GALNT13: variants seen among roughly 807,000 people sequenced by gnomAD.
The protein encoded by GALNT13 is UDP-GalNAc:polypeptide N-acetylgalactosaminyltransferase 13.
In GALNT13, 28 loss-of-function variants were observed where a neutral mutation model predicts 64.2. The ratio of observed to expected loss-of-function variants is 0.44; its 90% CI spans 0.32 to 0.60. The LOEUF (loss-of-function observed/expected upper bound fraction) is 0.60, where lower values mean the gene tolerates loss of function less well. GALNT13 is among the 20% of genes least tolerant of loss of function. The pLI, the probability that GALNT13 is intolerant of heterozygous loss-of-function variation, is 0.05. For missense variants in GALNT13, 577 were observed against 669.8 expected (o/e 0.86, Z 1.53); for synonymous variants, 214 against 224.6 (o/e 0.95, Z 0.42).
chr2:153,278,174 CT>C, the GALNT13 span, among the ~76,000 whole-genome samples: 1 of 151,910 alleles, frequency 6.6e-6, no homozygotes, highest in Non-Finnish European at 1.5e-5. Context: ...ACCTCGTGAT[CT>C]GTCCGCCTCG....
the GALNT13 span, among the ~76,000 whole-genome samples, chr2:153,661,276 T>C: frequency 6.6e-6 from 1 of 151,992 alleles, no homozygotes; most frequent in African/African-American, 2.4e-5. Context: ...CCTAATGATA[T>C]ATAAAAATTT....
chr2:154,453,983 G>A (rs1701969836), downstream of GALNT13: 1 of 152,074 alleles, frequency 6.6e-6, no homozygotes, highest in Non-Finnish European at 1.5e-5. Context: ...TATTACATAA[G>A]TTGCTTCATT....
chr2:153,200,602 T>C, the GALNT13 span, among the ~76,000 whole-genome samples: 2 of 152,310 alleles, frequency 1.3e-5, no homozygotes, highest in East Asian at 3.9e-4. Flanking sequence ...ATCTATCTCA[T>C]TGCCTAAAAT....
rs191798558 is a variant in GALNT13 at position 154,413,612 on chromosome 2, G to A, written c.1395+4530G>A. Among the ~76,000 whole-genome samples the A allele has an allele frequency of 7.6e-4, 116 of 151,934 alleles. 1 individual carries two copies. Among genetic ancestry groups the A allele is most frequent in the Non-Finnish European group, 3.2e-4 (22 of 67,868 alleles). ...TCGGTCTCCTGTGCTCTAGACATAC[G>A]TCTCATGATTTCTCATTCCTTGAAT... On this transcript the variant is annotated intron_variant, in intron 11 of 12. Transcript: ENST00000392825.
At chr2:154,025,442 C>G (rs1259490555) in intron 3 of GALNT13, among the ~76,000 whole-genome samples, 1 of 152,186 alleles carries the variant, frequency 6.6e-6, no homozygotes, top group African/African-American at 2.4e-5. Flanking sequence ...CATACACACA[C>G]ACACAGACAC....
intron 11 of GALNT13, among the ~76,000 whole-genome samples, chr2:154,427,737 C>T (rs760056770): frequency 2.5e-4 from 38 of 152,068 alleles, no homozygotes; most frequent in Non-Finnish European, 4.4e-5. Flanking sequence ...TAAGAGTGTA[C>T]AGCTAGATGC....
chr2:154,110,214 T>C (rs1702857619), intron 3 of GALNT13, among the ~76,000 whole-genome samples: 1 of 144,576 alleles, frequency 6.9e-6, no homozygotes, highest in African/African-American at 2.5e-5. Context: ...TAGTTTTTAT[T>C]TCCAAAGGTT....
the GALNT13 span, among the ~76,000 whole-genome samples, chr2:153,256,220 TC>T: frequency 1.3e-5 from 2 of 151,672 alleles, no homozygotes; most frequent in Non-Finnish European, 2.9e-5. Context: ...ATTCATTTCA[TC>T]TTCCATCGCT....
chr2:154,225,160 T>TGATAGATAGATAGATAGATAGATA (rs56211679), intron 4 of GALNT13, among the ~76,000 whole-genome samples: 5 of 137,904 alleles, frequency 3.6e-5, no homozygotes, highest in African/African-American at 8.3e-5. Context: ...GATAGATAGA[T>TGATAGATAGATAGATAGATAGATA]GATAGATAGA....
chr2:153,745,728 G>T, the GALNT13 span, among the ~76,000 whole-genome samples: 1 of 152,042 alleles, frequency 6.6e-6, no homozygotes, highest in Admixed American at 6.5e-5. Flanking sequence ...TTGGTTTGTT[G>T]TTTGTTTTTT....
intron 3 of GALNT13, among the ~76,000 whole-genome samples, chr2:153,959,127 T>C (rs887515109): frequency 2.0e-5 from 3 of 152,214 alleles, no homozygotes; most frequent in African/African-American, 7.2e-5. Flanking sequence ...GGGGAGGGGC[T>C]ATAACCCACC....
At chr2:153,093,236 CTTTTCT>C in the GALNT13 span, among the ~76,000 whole-genome samples, 2 of 129,008 alleles carry the variant, frequency 1.6e-5, no homozygotes, top group Non-Finnish European at 3.2e-5. Context: ...TTTTTCTTTT[CTTTTCT>C]TTTTTTTTTT....
At chr2:153,981,137 A>G (rs1426518339) in intron 3 of GALNT13, among the ~76,000 whole-genome samples, 1 of 152,172 alleles carries the variant, frequency 6.6e-6, no homozygotes, top group Non-Finnish European at 1.5e-5. Context: ...ATTTCTTTAA[A>G]GACTAAATAC....
the GALNT13 span, among the ~76,000 whole-genome samples, chr2:153,225,656 T>C: frequency 1.3e-5 from 2 of 152,202 alleles, no homozygotes; most frequent in South Asian, 4.1e-4. Flanking sequence ...GTCCAATATA[T>C]AATTGTTGCT....
chr2:154,044,737 T>C (rs1318232478), intron 3 of GALNT13, among the ~76,000 whole-genome samples: 1 of 152,228 alleles, frequency 6.6e-6, no homozygotes, highest in African/African-American at 2.4e-5. Flanking sequence ...ATAATTCTTA[T>C]GTCTGTTTAG....
intron 9 of GALNT13, among the ~76,000 whole-genome samples, chr2:154,374,734 G>A (rs1697885469): frequency 6.6e-6 from 1 of 152,156 alleles, no homozygotes; most frequent in Non-Finnish European, 1.5e-5. Context: ...ATGAAGTGTT[G>A]ATTCCATATT....
the GALNT13 span, among the ~76,000 whole-genome samples, chr2:153,698,259 G>A: frequency 4.5e-4 from 68 of 152,108 alleles, no homozygotes; most frequent in Non-Finnish European, 9.3e-4. Context: ...AACCTTAAAT[G>A]TAAATGGGCT....
the GALNT13 span, among the ~76,000 whole-genome samples, chr2:153,418,451 G>C: frequency 1.1e-4 from 16 of 152,322 alleles, no homozygotes; most frequent in African/African-American, 3.6e-4. Context: ...TGAGAAAGGA[G>C]TAGTTAGTGA....
At chr2:153,972,933 T>C (rs907255867) in intron 3 of GALNT13, among the ~76,000 whole-genome samples, 1 of 152,024 alleles carries the variant, frequency 6.6e-6, no homozygotes, top group Non-Finnish European at 1.5e-5. Context: ...GATATAAAGG[T>C]AGTCATTGAG....
Sources: allele counts gnomAD v4.1 joint callset (sites outside exome capture counted in the v4.1 genomes callset), GRCh38; gene constraint gnomAD v4.1.1; transcripts MANE v1.5; gene names NCBI Gene and HGNC (gene_info 2026-07-23, HGNC 2026-07-21).